COL5A2: variants seen among roughly 807,000 people sequenced by gnomAD.
COL5A2 encodes the protein collagen alpha-2(V) chain.
COL5A2 carries 23 observed loss-of-function variants against 208.2 expected under a neutral mutation model. The ratio of observed to expected loss-of-function variants is 0.11; its 90% CI spans 0.08 to 0.16. The LOEUF is 0.16. COL5A2 is among the 10% of genes least tolerant of loss of function. The probability of loss-of-function intolerance (pLI) is 1.00; values close to 1 mark genes in which losing one functional copy is unlikely to be tolerated. For missense variants in COL5A2, 1,590 were observed against 1,956.4 expected (o/e 0.81, Z 3.53); for synonymous variants, 625 against 628.5 (o/e 0.99, Z 0.08).
At chr2:189,322,387 G>A in the COL5A2 span, among the ~76,000 whole-genome samples, 5,536 of 152,056 alleles carry the variant, frequency 0.036, 115 homozygotes, top group Admixed American at 0.05. Context: ...ATGAATACAG[G>A]AGCTGACTTT....
chr2:189,401,989 CA>C, the COL5A2 span, among the ~76,000 whole-genome samples: 42 of 148,314 alleles, frequency 2.8e-4, no homozygotes, highest in African/African-American at 7.9e-4. Flanking sequence ...TAATAGATTG[CA>C]AAAAAAAAAT....
intron 1 of COL5A2, among the ~76,000 whole-genome samples, chr2:189,135,584 C>A (rs184773116): frequency 2.0e-5 from 3 of 152,240 alleles, no homozygotes; most frequent in African/African-American, 7.2e-5. Context: ...AGGCTAATGT[C>A]TTTCAATTGT....
chr2:189,229,466 T>C (rs1576592322), upstream of COL5A2, among the ~76,000 whole-genome samples: 2 of 150,584 alleles, frequency 1.3e-5, no homozygotes, highest in East Asian at 1.9e-4. Context: ...TTAGATCTAA[T>C]AGACAAATTC....
chr2:189,335,687 A>G, the COL5A2 span, among the ~76,000 whole-genome samples: 978 of 152,240 alleles, frequency 6.4e-3, 12 homozygotes, highest in African/African-American at 0.022. Context: ...TTCCATTTAT[A>G]TGAGCTGTCC....
Position 189,068,112 on chromosome 2 carries a change from C to T in COL5A2, c.1304G>A (p.Gly435Asp), listed in dbSNP as rs1410963922. ...DGTPGAKGPTGSPGTSGPPGS... is the reference protein window; with the variant it reads ...DGTPGAKGPTDSPGTSGPPGS... ...AGGAGGACCAGAGGTACCTGGAGAG[C>T]CCTATTAAACAGCAAGAGTGATGTG... The change falls in exon 21 of 54, where the codon GGC becomes GAC. Residue 435 changes from glycine (G) to aspartate (D), a missense_variant and splice_region_variant. Physicochemically the swap from Gly to Asp is moderately conservative, Grantham distance 94. Coordinates refer to ENST00000374866, the MANE Select transcript of COL5A2 (RefSeq NM_000393.5). 2 of 1,612,588 alleles carry T rather than the reference C, an allele frequency of 1.2e-6. No homozygotes were observed. Among genetic ancestry groups the T allele is most frequent in the South Asian group, 1.1e-5 (1 of 91,056 alleles).
the COL5A2 span, among the ~76,000 whole-genome samples, chr2:189,418,880 T>C: frequency 6.6e-6 from 1 of 152,138 alleles, no homozygotes; most frequent in Non-Finnish European, 1.5e-5. Context: ...AGTCTGGGAA[T>C]TGGGGGAGTA....
In COL5A2 at chr2:189,104,190, G is replaced by T. The variant is rs561819542; in HGVS notation, c.336+74C>A. On this transcript the variant is annotated intron_variant, in intron 3 of 53. Coordinates refer to ENST00000374866, the MANE Select transcript of COL5A2 (RefSeq NM_000393.5). ...TTTTCAAAAGCTTTCAAACGTTTCA[G>T]AGCACAGTTCTGTGTGGATAGTATT... is the stretch of plus-strand genomic sequence containing the variant. The T allele has an allele frequency of 4.6e-6, 5 of 1,086,780 alleles. No individual in the cohort carries two copies. The East Asian group carries it at 7.2e-5, about 16-fold the overall frequency. 67.3% of individuals were successfully genotyped at this position (1,086,780 alleles called of 1,614,324 possible).
At chr2:189,062,018 T>G (rs1221274912) in intron 29 of COL5A2, among the ~76,000 whole-genome samples, 1 of 152,022 alleles carries the variant, frequency 6.6e-6, no homozygotes, top group Non-Finnish European at 1.5e-5. Flanking sequence ...ACAGAATGAC[T>G]AAAGAAAGCA....
intron 35 of COL5A2, among the ~76,000 whole-genome samples, chr2:189,056,371 C>T (rs151233704): frequency 3.9e-5 from 6 of 152,254 alleles, no homozygotes; most frequent in South Asian, 2.1e-4. Context: ...TATTGTCCTT[C>T]GAGTCTGATT....
At chr2:189,389,216 A>G in the COL5A2 span, among the ~76,000 whole-genome samples, 1 of 152,156 alleles carries the variant, frequency 6.6e-6, no homozygotes, top group Non-Finnish European at 1.5e-5. Context: ...TTTCTTACAG[A>G]AAATTTTATG....
chr2:189,150,414 C>G lies in COL5A2; in HGVS notation c.97+29094G>C, dbSNP rs374527568. Among the ~76,000 whole-genome samples the G allele has an allele frequency of 5.5e-4, 84 of 152,244 alleles. 1 individual carries two copies. The highest frequency in any genetic ancestry group is 1.8e-3 in the African/African-American group (73 of 41,566). On this transcript the variant is annotated intron_variant, in intron 1 of 53. Transcript: ENST00000374866. ...TATCAATATAAAAGTCCTTAGGACACAGTGCTGAGGTGATTGCTGTTTGGA... is the reference window on the plus strand; with the variant it reads ...TATCAATATAAAAGTCCTTAGGACAGAGTGCTGAGGTGATTGCTGTTTGGA...
intron 1 of COL5A2, among the ~76,000 whole-genome samples, chr2:189,152,910 A>G (rs1688172790): frequency 6.6e-6 from 1 of 152,198 alleles, no homozygotes; most frequent in African/African-American, 2.4e-5. Flanking sequence ...ATGGCAGTTA[A>G]TAGTCTGCAC....
upstream of COL5A2, among the ~76,000 whole-genome samples, chr2:189,225,515 C>G (rs974772978): frequency 6.6e-6 from 1 of 151,562 alleles, no homozygotes; most frequent in African/African-American, 2.4e-5. Context: ...CAAATTTGGC[C>G]AAACAACAGA....
chr2:189,352,379 T>A, the COL5A2 span, among the ~76,000 whole-genome samples: 2 of 152,224 alleles, frequency 1.3e-5, no homozygotes, highest in South Asian at 2.1e-4. Flanking sequence ...ATTGCCACAC[T>A]GTCTTCCAAA....
chr2:189,280,611 C>T, the COL5A2 span, among the ~76,000 whole-genome samples: 1 of 152,020 alleles, frequency 6.6e-6, no homozygotes, highest in Non-Finnish European at 1.5e-5. Context: ...CATTATAGCC[C>T]CAAAATGAGT....
intron 7 of COL5A2, among the ~76,000 whole-genome samples, chr2:189,089,431 A>C (rs1246112459): frequency 2.0e-5 from 3 of 152,318 alleles, no homozygotes; most frequent in African/African-American, 7.2e-5. Flanking sequence ...GTTAGGAAAG[A>C]ATGTGTGTAC....
chr2:189,049,511 C>T (rs1685738920), intron 43 of COL5A2, 57 bp from the exon 44 acceptor site: 2 of 1,391,046 alleles, frequency 1.4e-6, no homozygotes, highest in Non-Finnish European at 1.0e-6. Context: ...ACGCTAGTTC[C>T]CATAAAGGCT....
At chr2:189,404,130 T>G in the COL5A2 span, among the ~76,000 whole-genome samples, 1 of 152,200 alleles carries the variant, frequency 6.6e-6, no homozygotes, top group Non-Finnish European at 1.5e-5. Flanking sequence ...AGTGATATGA[T>G]TAATTTTGTG....
At chr2:189,419,391 A>G in the COL5A2 span, among the ~76,000 whole-genome samples, 5 of 152,344 alleles carry the variant, frequency 3.3e-5, no homozygotes, top group South Asian at 8.3e-4. Flanking sequence ...TAGGCAATCT[A>G]GGAACAAGAT....
Sources: gnomAD v4.1 joint callset for allele counts (sites outside exome capture counted in the v4.1 genomes callset) on GRCh38, gnomAD v4.1.1 for gene constraint, MANE v1.5 for transcripts, NCBI Gene and HGNC (gene_info 2026-07-23, HGNC 2026-07-21) for gene names.